Variants in KALRN observed in about 807,000 individuals in gnomAD.
The protein encoded by KALRN is kalirin RhoGEF kinase.
Under a neutral mutation model 353.7 loss-of-function variants are expected in KALRN, and 70 were observed. The ratio of observed to expected loss-of-function variants is 0.20; its 90% CI spans 0.16 to 0.24. The LOEUF (loss-of-function observed/expected upper bound fraction) is 0.24, where lower values mean the gene tolerates loss of function less well. KALRN is among the 10% of genes least tolerant of loss of function. KALRN has a pLI of 1.00. For synonymous variants in KALRN, 1,391 were observed against 1,434.8 expected (o/e 0.97, Z 0.69); for missense variants, 2,791 against 3,756.7 (o/e 0.74, Z 6.72).
chr3:124,340,141 C>G (rs1473087729), intron 9 of KALRN, among the ~76,000 whole-genome samples: 1 of 152,172 alleles, frequency 6.6e-6, no homozygotes, highest in Non-Finnish European at 1.5e-5. Context: ...ACACCCAAAC[C>G]AAGCAAATAT....
chr3:124,315,520 G>C (rs9818253), intron 6 of KALRN, among the ~76,000 whole-genome samples: 31,160 of 151,728 alleles, frequency 0.21, 3,313 homozygotes, highest in South Asian at 0.29. Context: ...CTCCCTCACT[G>C]CTGGTTCTCT....
chr3:124,650,089 C>G (rs1183066243), intron 37 of KALRN, among the ~76,000 whole-genome samples: 1 of 152,128 alleles, frequency 6.6e-6, no homozygotes, highest in Non-Finnish European at 1.5e-5. Flanking sequence ...TGTGTATCCA[C>G]ACTACTTCTG....
chr3:124,169,541 G>T (rs979150238), intron 1 of KALRN, among the ~76,000 whole-genome samples: 8 of 152,138 alleles, frequency 5.3e-5, no homozygotes, highest in Non-Finnish European at 1.2e-4. Flanking sequence ...TGGAATCCCG[G>T]GGATTGACAG....
intron 6 of KALRN, among the ~76,000 whole-genome samples, chr3:124,325,676 T>C (rs4678111): frequency 0.81 from 123,315 of 152,130 alleles, 51,247 homozygotes; most frequent in Non-Finnish European, 0.9. Context: ...TGGGAATGAC[T>C]TCATAAGATG....
intron 1 of KALRN, among the ~76,000 whole-genome samples, chr3:124,153,415 A>T (rs1380711907): frequency 6.7e-6 from 1 of 149,222 alleles, no homozygotes; most frequent in African/African-American, 2.5e-5. Flanking sequence ...ATGATTTCCA[A>T]TTTCATCCAT....
At chr3:124,653,045 C>T (rs139308610) in intron 38 of KALRN, among the ~76,000 whole-genome samples, 3 of 152,342 alleles carry the variant, frequency 2.0e-5, no homozygotes, top group African/African-American at 4.8e-5. Context: ...ACATCCTGAG[C>T]TATCTTGAAA....
At chr3:124,689,930 A>T (rs879876631) in intron 51 of KALRN, among the ~76,000 whole-genome samples, 28 of 152,208 alleles carry the variant, frequency 1.8e-4, no homozygotes, top group Non-Finnish European at 3.8e-4. Context: ...AGAGACTTAG[A>T]GGTACCTACA....
At chr3:124,676,699 C>T (rs546915870) in intron 49 of KALRN, among the ~76,000 whole-genome samples, 1 of 152,342 alleles carries the variant, frequency 6.6e-6, no homozygotes, top group East Asian at 1.9e-4. Context: ...GCTGCCTGCC[C>T]TGGGAGTCCT....
intron 19 of KALRN, among the ~76,000 whole-genome samples, chr3:124,444,404 C>G (rs1454974905): frequency 1.3e-5 from 2 of 152,100 alleles, no homozygotes; most frequent in Non-Finnish European, 2.9e-5. Context: ...TGTAGCTAAG[C>G]CAGAGATCAG....
At chr3:124,598,576 A>G (rs1438677365) in intron 34 of KALRN, among the ~76,000 whole-genome samples, 1 of 152,082 alleles carries the variant, frequency 6.6e-6, no homozygotes, top group Non-Finnish European at 1.5e-5. Context: ...GGGGCATCAT[A>G]TATAGGTCCT....
At chr3:124,252,770 G>C (rs1306536185) in intron 3 of KALRN, among the ~76,000 whole-genome samples, 6 of 152,186 alleles carry the variant, frequency 3.9e-5, no homozygotes, top group African/African-American at 1.2e-4. Flanking sequence ...AAAGACAGCT[G>C]GTGGAGAACA....
intron 6 of KALRN, 67 bp from the exon 7 acceptor site, chr3:124,325,913 C>T: frequency 1.5e-6 from 2 of 1,346,956 alleles, no homozygotes; most frequent in Non-Finnish European, 2.1e-6. Context: ...CAAATATGTA[C>T]CCCACGAAAG....
intron 6 of KALRN, among the ~76,000 whole-genome samples, chr3:124,304,954 G>T (rs2077567666): frequency 6.6e-6 from 1 of 152,160 alleles, no homozygotes; most frequent in South Asian, 2.1e-4. Flanking sequence ...TAGAACAGTG[G>T]CTGTGCAATG....
chr3:124,437,161 G>A (rs1406131828), intron 17 of KALRN, among the ~76,000 whole-genome samples: 1 of 151,324 alleles, frequency 6.6e-6, no homozygotes, highest in African/African-American at 2.4e-5. Context: ...CCTCAAGATT[G>A]GTGACAGATC....
rs950729303 is a variant in KALRN, at chr3:124,666,525, C to G, written c.6422C>G (p.Ser2141Cys). The G allele has an allele frequency of 2.5e-6, 4 of 1,614,000 alleles. No homozygotes were observed. The African/African-American group carries it at 4.0e-5, about 16-fold the overall frequency. The change falls in exon 46 of 60, where the codon TCC becomes TGC. Residue 2141 changes from serine to cysteine, a missense_variant. This residue lies in a region of KALRN where 1,065 missense variants were observed against 1,156.4 expected (regional missense o/e 0.92). Coordinates refer to ENST00000682506, the MANE Select transcript of KALRN (RefSeq NM_001388419.1). ...ATCGAGCTGGATGCAGGCATGCAGT[C>G]CCGGACCAAAGAGAGGCGCGTGTTC... ...YVIELDAGMQSRTKERRVFLF... is the reference protein window; with the variant it reads ...YVIELDAGMQCRTKERRVFLF...
At chr3:124,656,589 C>A (rs752150736) in intron 39 of KALRN, among the ~76,000 whole-genome samples, 1 of 151,814 alleles carries the variant, frequency 6.6e-6, no homozygotes, top group African/African-American at 2.4e-5. Context: ...CCAGCCTGGG[C>A]GACAGAGCAA....
At chr3:124,408,988 T>A (rs1382113769) in intron 13 of KALRN, among the ~76,000 whole-genome samples, 1 of 152,230 alleles carries the variant, frequency 6.6e-6, no homozygotes. Context: ...GGCTTCCCAT[T>A]TTCCATTTCC....
chr3:124,318,502 A>C lies in KALRN; in HGVS notation c.1093-7478A>C, dbSNP rs532897692. Among the ~76,000 whole-genome samples, 6 of 152,330 alleles carry C rather than the reference A, an allele frequency of 3.9e-5. No individual in the cohort carries two copies. The South Asian group carries it at 1.2e-3, about 32-fold the overall frequency. ...TTTACATGGTAATGTTAAACTAATT[A>C]ATCATAAACTAATGATTTAACAGCT... On this transcript the variant is annotated intron_variant, in intron 6 of 59. Coordinates refer to ENST00000682506, the MANE Select transcript of KALRN (RefSeq NM_001388419.1).
intron 25 of KALRN, among the ~76,000 whole-genome samples, chr3:124,465,858 G>C (rs1479376564): frequency 6.6e-6 from 1 of 152,158 alleles, no homozygotes; most frequent in Non-Finnish European, 1.5e-5. Flanking sequence ...GAGAGATTGA[G>C]AGAGAAAGGG....
Sources: gnomAD v4.1 joint callset for allele counts (sites outside exome capture counted in the v4.1 genomes callset) on GRCh38, gnomAD v4.1.1 for gene constraint, gnomAD v4.1.1 regional missense constraint, MANE v1.5 for transcripts, NCBI Gene and HGNC (gene_info 2026-07-23, HGNC 2026-07-21) for gene names.